The following RELN variants were observed in gnomAD, a reference collection of about 807,000 sequenced individuals.
The protein encoded by RELN is reelin.
Under a neutral mutation model 427.6 loss-of-function variants are expected in RELN, and 108 were observed. The ratio of observed to expected loss-of-function variants is 0.25; its 90% CI spans 0.22 to 0.30. The LOEUF is 0.30. Among genes scored for constraint, RELN ranks in the 10% least tolerant of loss-of-function variants. RELN has a pLI of 1.00. For synonymous variants in RELN, 1,524 were observed against 1,513.4 expected (o/e 1.01, Z -0.16); for missense variants, 3,715 against 4,302.8 (o/e 0.86, Z 3.82).
chr7:103,656,429 G>A (rs1833023659), intron 12 of RELN, among the ~76,000 whole-genome samples: 1 of 151,856 alleles, frequency 6.6e-6, no homozygotes, highest in African/African-American at 2.4e-5. Flanking sequence ...ATCTGGGGGT[G>A]AGCCTGTTAC....
intron 2 of RELN, among the ~76,000 whole-genome samples, chr7:103,840,995 A>G (rs1269854530): frequency 6.6e-6 from 1 of 152,166 alleles, no homozygotes; most frequent in East Asian, 1.9e-4. Context: ...TTTTGGTTAT[A>G]TGTAAACTTA....
At chr7:103,674,107 T>C (rs979695641) in intron 11 of RELN, among the ~76,000 whole-genome samples, 1 of 152,242 alleles carries the variant, frequency 6.6e-6, no homozygotes, top group African/African-American at 2.4e-5. Context: ...TTTTCTGTAA[T>C]GAAGTAACAT....
intron 20 of RELN, chr7:103,628,204 C>T (rs1832370229): frequency 6.6e-6 from 1 of 152,144 alleles, no homozygotes; most frequent in African/African-American, 2.4e-5. Flanking sequence ...ACCTTCTTTG[C>T]TTTAATCGTT....
intron 1 of RELN, among the ~76,000 whole-genome samples, chr7:103,956,034 G>A (rs574727293): frequency 6.6e-6 from 1 of 152,220 alleles, no homozygotes; most frequent in East Asian, 1.9e-4. Context: ...TTTTTTTGTA[G>A]CTCAACTATG....
chr7:103,920,593 T>TTTTTTTTTGA lies in RELN; in HGVS notation c.227-3409_227-3408insTCAAAAAAAA, dbSNP rs57282777. On this transcript the variant is annotated intron_variant, in intron 1 of 64. Transcript: ENST00000428762. ...TTTTTTTTTTTGTTTTTTTTTTTTT[T>TTTTTTTTTGA]GAGAGAGTCTCGCTCTCTTACCCAG... Among the ~76,000 whole-genome samples, 202 of 129,364 alleles carry TTTTTTTTTGA rather than the reference T, an allele frequency of 1.6e-3. 3 individuals carry two copies. The highest frequency in any genetic ancestry group is 5.5e-3 in the African/African-American group (181 of 32,818). The allele number at this position is 129,364 out of a possible 152,430, so 84.9% of individuals were successfully genotyped here.
chr7:103,586,938 G>T (rs1177740945), intron 28 of RELN, among the ~76,000 whole-genome samples: 3 of 152,106 alleles, frequency 2.0e-5, no homozygotes, highest in Admixed American at 2.0e-4. Flanking sequence ...AATCAATATT[G>T]TTAAAATTAC....
At chr7:103,755,781 C>T (rs1791132085) in intron 4 of RELN, among the ~76,000 whole-genome samples, 2 of 142,804 alleles carry the variant, frequency 1.4e-5, no homozygotes, top group South Asian at 4.4e-4. Context: ...CAACCGCACT[C>T]CAGTCTGGGG....
chr7:103,557,128 T>C lies in RELN; in HGVS notation c.5646A>G (p.Leu1882=). 1 of 1,613,670 alleles carries C rather than the reference T, an allele frequency of 6.2e-7. No individual in the cohort carries two copies. The highest frequency in any genetic ancestry group is 1.7e-4 in the Middle Eastern group (1 of 6,056). The part of the protein sequence containing the change: ...STPERSHSIL[L]QFSISGGITW... ...TGATTCCTCCACTGATGGAGAATTGTAACAGAATAGAGTGAGATCTCTCTG... is the reference window on the plus strand; with the variant it reads ...TGATTCCTCCACTGATGGAGAATTGCAACAGAATAGAGTGAGATCTCTCTG... Residue 1882 remains leucine (L), a synonymous_variant, in exon 38 of 65, where the codon TTA becomes TTG. Coordinates refer to ENST00000428762, the MANE Select transcript of RELN (RefSeq NM_005045.4).
chr7:103,535,066 T>C lies in RELN; in HGVS notation c.7349+250A>G, dbSNP rs147803834. Among the ~76,000 whole-genome samples, 471 of 152,290 alleles carry C rather than the reference T, an allele frequency of 3.1e-3. 14 individuals carry two copies. The highest frequency in any genetic ancestry group is 0.029 in the Admixed American group (445 of 15,288). On this transcript the variant is annotated intron_variant, in intron 46 of 64. Coordinates refer to ENST00000428762, the MANE Select transcript of RELN (RefSeq NM_005045.4). ...ATGCAGCCACTGTTTTCTTTTGTAGTTCATTCTTTAAAAATATTAGAGTTA... is the reference window on the plus strand; with the variant it reads ...ATGCAGCCACTGTTTTCTTTTGTAGCTCATTCTTTAAAAATATTAGAGTTA...
intron 12 of RELN, among the ~76,000 whole-genome samples, chr7:103,655,861 A>G (rs1055704134): frequency 6.6e-6 from 1 of 152,108 alleles, no homozygotes; most frequent in African/African-American, 2.4e-5. Context: ...TGCCATTAAA[A>G]TTACTGGGTG....
intron 2 of RELN, among the ~76,000 whole-genome samples, chr7:103,913,355 T>C (rs1795411147): frequency 6.6e-6 from 1 of 152,206 alleles, no homozygotes; most frequent in Admixed American, 6.6e-5. Flanking sequence ...TTACTCTGCC[T>C]TATTTGTCAC....
At chr7:103,913,471 A>T (rs1468685365) in intron 2 of RELN, among the ~76,000 whole-genome samples, 1 of 152,184 alleles carries the variant, frequency 6.6e-6, no homozygotes, top group African/African-American at 2.4e-5. Context: ...CTAATGATAG[A>T]TTATGTATTC....
chr7:103,625,124 T>G (rs1832300334), intron 20 of RELN, among the ~76,000 whole-genome samples: 1 of 152,228 alleles, frequency 6.6e-6, no homozygotes, highest in East Asian at 1.9e-4. Flanking sequence ...GCAAATGAAC[T>G]GTGTTTAAAT....
chr7:103,502,223 G>T (rs1415283090), intron 52 of RELN, among the ~76,000 whole-genome samples: 1 of 152,152 alleles, frequency 6.6e-6, no homozygotes, highest in African/African-American at 2.4e-5. Flanking sequence ...TATGTTAATT[G>T]AATAAGCTCT....
intron 3 of RELN, among the ~76,000 whole-genome samples, chr7:103,792,026 C>T (rs916215538): frequency 1.3e-5 from 2 of 152,108 alleles, no homozygotes; most frequent in Admixed American, 1.3e-4. Flanking sequence ...AAATACCATT[C>T]TACTCCCACA....
In RELN at chr7:103,652,532, A is replaced by C. The variant is rs988534310; in HGVS notation, c.1763+19T>G. On this transcript the variant is annotated intron_variant, in intron 14 of 64. Transcript: ENST00000428762. ...AACTCATTTTTAGTTTTGCACACTT[A>C]CAAAATAGGGCTTCCTACCTGTTAC... is the stretch of plus-strand genomic sequence containing the variant. 1.2e-6 allele frequency: 2 copies of C among 1,604,538 alleles called. No individual in the cohort carries two copies.
At chr7:103,678,526 T>C (rs932944656) in intron 11 of RELN, among the ~76,000 whole-genome samples, 1 of 152,220 alleles carries the variant, frequency 6.6e-6, no homozygotes, top group South Asian at 2.1e-4. Flanking sequence ...TCTTGCATCC[T>C]TGTGATCTGA....
At chr7:103,737,503 A>G (rs1023248370) in intron 6 of RELN, among the ~76,000 whole-genome samples, 3 of 152,216 alleles carry the variant, frequency 2.0e-5, no homozygotes, top group African/African-American at 7.2e-5. Context: ...AATGAACTAT[A>G]AAGTGGTTTT....
intron 6 of RELN, among the ~76,000 whole-genome samples, chr7:103,737,152 G>A (rs1790515011): frequency 6.6e-6 from 1 of 152,042 alleles, no homozygotes; most frequent in Non-Finnish European, 1.5e-5. Flanking sequence ...ATATACGAGA[G>A]GTTCTGGCAA....
Sources: gnomAD v4.1 joint callset for allele counts (sites outside exome capture counted in the v4.1 genomes callset) on GRCh38, gnomAD v4.1.1 for gene constraint, MANE v1.5 for transcripts, NCBI Gene and HGNC (gene_info 2026-07-23, HGNC 2026-07-21) for gene names.